Variants in MAN1A2 observed in about 807,000 individuals in gnomAD.
The protein encoded by MAN1A2 is mannosidase alpha class 1A member 2.
Under a neutral mutation model 75.7 loss-of-function variants are expected in MAN1A2, and 26 were observed. That is an observed-to-expected ratio of 0.34 (90% CI 0.25 to 0.48). The LOEUF is 0.48. MAN1A2 is among the 20% of genes least tolerant of loss of function. The pLI, the probability that MAN1A2 is intolerant of heterozygous loss-of-function variation, is 0.99. For missense variants in MAN1A2, 562 were observed against 775.5 expected (o/e 0.72, Z 3.27); for synonymous variants, 247 against 264.6 (o/e 0.93, Z 0.65).
At chr1:117,442,118 C>A in intron 5 of MAN1A2, 113 bp from the exon 6 acceptor site, 1 of 603,022 alleles carries the variant, frequency 1.7e-6, no homozygotes, top group Admixed American at 2.6e-5. Flanking sequence ...TTTTTCCTAC[C>A]CTGTGCTCCC....
chr1:117,431,128 C>T (rs1648628563), intron 5 of MAN1A2, among the ~76,000 whole-genome samples: 1 of 125,500 alleles, frequency 8.0e-6, no homozygotes, highest in East Asian at 2.7e-4. Flanking sequence ...AGGGAGGTTG[C>T]AGTGAGCCGA....
chr1:117,428,472 G>A (rs1260671808), intron 5 of MAN1A2, among the ~76,000 whole-genome samples: 2 of 151,982 alleles, frequency 1.3e-5, no homozygotes, highest in Non-Finnish European at 2.9e-5. Flanking sequence ...ACAACAAAAA[G>A]CAATGGAAAT....
At chr1:117,457,702 C>T (rs1476191274) in intron 6 of MAN1A2, among the ~76,000 whole-genome samples, 3 of 152,138 alleles carry the variant, frequency 2.0e-5, no homozygotes, top group African/African-American at 7.2e-5. Flanking sequence ...ATCCGCTATG[C>T]TGAAACCTAG....
intron 9 of MAN1A2, among the ~76,000 whole-genome samples, chr1:117,495,373 A>G (rs777283381): frequency 5.9e-5 from 9 of 151,878 alleles, no homozygotes; most frequent in Non-Finnish European, 1.2e-4. Flanking sequence ...CTATTAGCGT[A>G]TTATAAAATA....
chr1:117,446,009 T>C (rs900448980), intron 6 of MAN1A2, among the ~76,000 whole-genome samples: 1 of 148,982 alleles, frequency 6.7e-6, no homozygotes, highest in Non-Finnish European at 1.5e-5. Context: ...TTTTGTTTTA[T>C]TTTGTGTCAG....
At chr1:117,456,714 T>A (rs1168632088) in intron 6 of MAN1A2, among the ~76,000 whole-genome samples, 1 of 152,050 alleles carries the variant, frequency 6.6e-6, no homozygotes, top group Non-Finnish European at 1.5e-5. Context: ...TTTTTACAAA[T>A]CCCATTCTTT....
rs763057758 is a variant in MAN1A2 at position 117,414,756 on chromosome 1, C to A, written c.699C>A (p.Thr233=). 1 of 1,609,628 alleles carries A rather than the reference C, an allele frequency of 6.2e-7. No homozygotes were observed. Among genetic ancestry groups the A allele is most frequent in the African/African-American group, 1.3e-5 (1 of 74,624 alleles). ...MGATIVDALD[T]LYIMGLHDEF... Reference sequence around the variant, plus strand: ...CTACCATAGTAGATGCTTTGGATACCCTTTATATCATGGGACTTCATGATG... The same window carrying A: ...CTACCATAGTAGATGCTTTGGATACACTTTATATCATGGGACTTCATGATG... The change falls in exon 4 of 13, where the codon ACC becomes ACA. Residue 233 remains threonine, a synonymous_variant. Coordinates refer to ENST00000356554, the MANE Select transcript of MAN1A2 (RefSeq NM_006699.5).
chr1:117,385,181 T>G (rs1009549), intron 1 of MAN1A2, among the ~76,000 whole-genome samples: 118,569 of 152,008 alleles, frequency 0.78, 46,626 homozygotes, highest in African/African-American at 0.87. Flanking sequence ...TCTCAGTAGA[T>G]CCCTGCAGAA....
intron 1 of MAN1A2, among the ~76,000 whole-genome samples, chr1:117,396,496 A>G (rs77163890): frequency 1.3e-5 from 2 of 152,246 alleles, no homozygotes; most frequent in South Asian, 4.1e-4. Flanking sequence ...TATAAGAGAA[A>G]GATCATCCAA....
intron 12 of MAN1A2, among the ~76,000 whole-genome samples, chr1:117,519,577 G>A (rs1024046345): frequency 4.6e-5 from 7 of 151,986 alleles, no homozygotes; most frequent in African/African-American, 1.7e-4. Context: ...AGAAAACCTA[G>A]AAGAGATGGA....
chr1:117,509,949 T>G (rs1053889337), intron 12 of MAN1A2, among the ~76,000 whole-genome samples: 1 of 151,622 alleles, frequency 6.6e-6, no homozygotes, highest in African/African-American at 2.4e-5. Flanking sequence ...ATATATATAA[T>G]ATATATCCTT....
intron 8 of MAN1A2, among the ~76,000 whole-genome samples, chr1:117,472,570 T>A (rs1217593923): frequency 6.6e-6 from 1 of 152,042 alleles, no homozygotes; most frequent in Non-Finnish European, 1.5e-5. Flanking sequence ...TGTAATATAA[T>A]GGTAAGAATT....
chr1:117,450,991 A>C (rs1419914427), intron 6 of MAN1A2, among the ~76,000 whole-genome samples: 2 of 152,216 alleles, frequency 1.3e-5, no homozygotes, highest in African/African-American at 4.8e-5. Context: ...CTGTGAGAAG[A>C]GGGCAACTGT....
intron 1 of MAN1A2, among the ~76,000 whole-genome samples, chr1:117,393,484 T>G (rs1258149587): frequency 6.6e-6 from 1 of 151,678 alleles, no homozygotes; most frequent in African/African-American, 2.4e-5. Flanking sequence ...CTATTTTTTT[T>G]TTTGTGTGTG....
rs192085340 is a variant in MAN1A2, at chr1:117,494,627, G to A, written c.1284+1365G>A. ...TTTGCCCATTATAGGTACTCAACAAGTGTTTATTGAGATATTGTGTTAAAT... is the reference window on the plus strand; with the variant it reads ...TTTGCCCATTATAGGTACTCAACAAATGTTTATTGAGATATTGTGTTAAAT... On this transcript the variant is annotated intron_variant, in intron 9 of 12. Coordinates refer to ENST00000356554, the MANE Select transcript of MAN1A2 (RefSeq NM_006699.5). The A allele has an allele frequency of 2.2e-3, 334 of 152,106 alleles. 1 individual carries two copies. The highest frequency in any genetic ancestry group is 7.7e-3 in the African/African-American group (319 of 41,542). 9.4% of individuals were successfully genotyped at this position (152,106 alleles called of 1,614,324 possible).
chr1:117,375,059 T>A (rs1029708609), intron 1 of MAN1A2, among the ~76,000 whole-genome samples: 5 of 152,202 alleles, frequency 3.3e-5, no homozygotes, highest in African/African-American at 1.2e-4. Context: ...GAGCATTTGA[T>A]ATGCCAGCCT....
chr1:117,468,241 A>G (rs919086915), intron 8 of MAN1A2, among the ~76,000 whole-genome samples: 14 of 152,142 alleles, frequency 9.2e-5, no homozygotes, highest in African/African-American at 3.4e-4. Context: ...AAAGCCCCTT[A>G]TAAAACCATC....
At chr1:117,424,603 T>C (rs759175399) in intron 5 of MAN1A2, among the ~76,000 whole-genome samples, 3 of 152,206 alleles carry the variant, frequency 2.0e-5, no homozygotes, top group Admixed American at 1.3e-4. Flanking sequence ...GTGGGATTTA[T>C]GATTTGGACC....
At chr1:117,390,806 T>A (rs1653691895) in intron 1 of MAN1A2, among the ~76,000 whole-genome samples, 1 of 152,096 alleles carries the variant, frequency 6.6e-6, no homozygotes, top group Non-Finnish European at 1.5e-5. Context: ...TTTAGTGCTA[T>A]GAATTTCAGT....
Sources: allele counts gnomAD v4.1 joint callset (sites outside exome capture counted in the v4.1 genomes callset), GRCh38; gene constraint gnomAD v4.1.1; transcripts MANE v1.5; gene names NCBI Gene and HGNC (gene_info 2026-07-23, HGNC 2026-07-21).